The following DISP3 variants were observed in gnomAD, a reference collection of about 807,000 sequenced individuals.
DISP3 encodes dispatched RND transporter family member 3, also known as protein dispatched homolog 3.
DISP3 carries 101 observed loss-of-function variants against 135.3 expected under a neutral mutation model. The observed-to-expected ratio is 0.75, with a 90% confidence interval of 0.64 to 0.88. The LOEUF (loss-of-function observed/expected upper bound fraction) is 0.88, where lower values mean the gene tolerates loss of function less well. DISP3 is among the 40% of genes least tolerant of loss of function. The pLI is 0.00. For missense variants in DISP3, 1,713 were observed against 1,878.6 expected, an observed-to-expected ratio of 0.91 and a Z score of 1.63; for synonymous variants, 856 against 817.0, an observed-to-expected ratio of 1.05 and a Z score of -0.81.
At chr1:11,493,340 G>C (rs1641238640) in intron 1 of DISP3, among the ~76,000 whole-genome samples, 1 of 152,194 alleles carries the variant, frequency 6.6e-6, no homozygotes, top group Non-Finnish European at 1.5e-5. Context: ...TTTCCTCTTA[G>C]CCTTTTCATT....
At chr1:11,509,209 C>T (rs1246765855) in intron 3 of DISP3, among the ~76,000 whole-genome samples, 1 of 151,880 alleles carries the variant, frequency 6.6e-6, no homozygotes, top group Non-Finnish European at 1.5e-5. Context: ...GGGAATTTTT[C>T]AGGCTTTTTG....
chr1:11,497,323 C>A (rs557524550), intron 1 of DISP3, among the ~76,000 whole-genome samples: 2 of 152,288 alleles, frequency 1.3e-5, no homozygotes, highest in African/African-American at 2.4e-5. Flanking sequence ...GTATACACTG[C>A]ACCCTATTTG....
At position 11,536,663 on chromosome 1, in the gene DISP3, C is replaced by T. The variant is rs1252973088; in HGVS notation, c.4156C>T (p.Leu1386=). Residue 1386 remains leucine, a synonymous_variant, in exon 21 of 21, where the codon CTG becomes TTG. Coordinates refer to ENST00000294484, the MANE Select transcript of DISP3 (RefSeq NM_020780.2). This position sits in a 1 kb window ranked among gnomAD's most constrained non-coding sequence, Gnocchi z 4.3. The stretch of plus-strand genomic sequence containing the variant: ...CCTGCAGAGCGGCTATAAGATTCCC[C>T]TGCCCGCAGGGGCCTCCCTATAGCC... The part of the protein sequence containing the change: ...VLLQSGYKIP[L]PAGASL The T allele has an allele frequency of 6.3e-7, 1 of 1,582,830 alleles. No individual in the cohort carries two copies. Among genetic ancestry groups the T allele is most frequent in the Non-Finnish European group, 8.6e-7 (1 of 1,165,474 alleles).
intron 1 of DISP3, among the ~76,000 whole-genome samples, chr1:11,484,251 A>G (rs1345060917): frequency 1.3e-5 from 2 of 152,196 alleles, no homozygotes; most frequent in Non-Finnish European, 1.5e-5. Context: ...CTGAGGCTAG[A>G]GAGGTCAAGT....
intron 10 of DISP3, among the ~76,000 whole-genome samples, chr1:11,522,606 A>G (rs377402981): frequency 0.062 from 1,889 of 30,530 alleles, 17 homozygotes; most frequent in East Asian, 0.15. Flanking sequence ...ACCCAGCCAG[A>G]GCCCAGCCAG....
chr1:11,481,073 A>G (rs1640892853), intron 1 of DISP3, among the ~76,000 whole-genome samples: 1 of 146,862 alleles, frequency 6.8e-6, no homozygotes, highest in African/African-American at 2.7e-5. Flanking sequence ...TCACACACAT[A>G]CACACACACA....
chr1:11,526,762 G>A lies in DISP3; in HGVS notation c.2725G>A (p.Ala909Thr), dbSNP rs1210504438. ...PSRKWMLTTL[A>T]CDAKRGWKFD... ...CCGCAAGTGGATGCTGACGACCTTG[G>A]CCTGTGATGCCAAGCGGGGCTGGAA... Residue 909 changes from alanine (A) to threonine (T), a missense_variant, in exon 13 of 21, where the codon GCC (alanine) becomes ACC (threonine). Coordinates refer to ENST00000294484, the MANE Select transcript of DISP3 (RefSeq NM_020780.2). The A allele has an allele frequency of 2.2e-5, 36 of 1,613,678 alleles. No individual in the cohort carries two copies. The highest frequency in any genetic ancestry group is 3.1e-5 in the Non-Finnish European group (36 of 1,180,038).
In DISP3 at chr1:11,480,808, C is replaced by G. The variant is rs368141046; in HGVS notation, c.-4+1436C>G. ...ACCTGCCAGGGGACCAGGGGATCTT[C>G]TGGAGGGAGGGAGGAGGCTGTGGCT... is the stretch of plus-strand genomic sequence containing the variant. On this transcript the variant is annotated intron_variant, in intron 1 of 20. Transcript: ENST00000294484. Among the ~76,000 whole-genome samples the G allele has an allele frequency of 6.6e-5, 10 of 151,710 alleles. No homozygotes were observed. The South Asian group carries it at 1.3e-3, about 19-fold the overall frequency.
chr1:11,513,020 C>T (rs1049776417), intron 3 of DISP3, among the ~76,000 whole-genome samples: 21 of 152,108 alleles, frequency 1.4e-4, no homozygotes, highest in African/African-American at 5.1e-4. Context: ...ATTCAATTAC[C>T]TCCCCCTGGG....
intron 1 of DISP3, among the ~76,000 whole-genome samples, chr1:11,494,238 G>A (rs1458215509): frequency 6.6e-6 from 1 of 152,236 alleles, no homozygotes; most frequent in East Asian, 1.9e-4. Context: ...GCTGATGTGA[G>A]GATGACAGAG....
chr1:11,532,109 C>T (rs901576017), intron 17 of DISP3, among the ~76,000 whole-genome samples: 2 of 152,190 alleles, frequency 1.3e-5, no homozygotes, highest in African/African-American at 4.8e-5. Context: ...GCCAGGAGTC[C>T]GGCCATCCCC....
At chr1:11,507,061 G>T (rs1040889084) in intron 3 of DISP3, among the ~76,000 whole-genome samples, 1 of 152,112 alleles carries the variant, frequency 6.6e-6, no homozygotes, top group South Asian at 2.1e-4. Flanking sequence ...TCCCACCTTG[G>T]CCTCTCAAAG....
chr1:11,525,018 C>T (rs539558099), intron 11 of DISP3, among the ~76,000 whole-genome samples, 158 bp from the exon 12 acceptor site: 21 of 151,692 alleles, frequency 1.4e-4, no homozygotes, highest in African/African-American at 2.7e-4. Context: ...TTGCCATGGA[C>T]CTGGTCCAGT....
chr1:11,534,272 AAC>A, intron 17 of DISP3, 107 bp from the exon 18 acceptor site: 1 of 1,358,298 alleles, frequency 7.4e-7, no homozygotes, highest in East Asian at 2.3e-5. Flanking sequence ...CACCCTCCCC[AAC>A]ACACGCACCA....
intron 1 of DISP3, among the ~76,000 whole-genome samples, chr1:11,482,930 G>A (rs1256842127): frequency 6.6e-6 from 1 of 152,162 alleles, no homozygotes; most frequent in African/African-American, 2.4e-5. Flanking sequence ...CCAAAGCATC[G>A]AAGCCCAGGG....
intron 13 of DISP3, among the ~76,000 whole-genome samples, chr1:11,528,639 TGCTC>T (rs765851498): frequency 6.5e-4 from 99 of 152,298 alleles, no homozygotes; most frequent in Non-Finnish European, 1.2e-3. Context: ...TACAAGGCCA[TGCTC>T]GGTGACACAC....
At position 11,523,989 on chromosome 1, in the gene DISP3, TCCCTGGAGA is replaced by T; in HGVS notation, c.2411_2419del (p.Ser804_Lys807delinsTer). On this transcript the variant is annotated stop_gained and inframe_deletion, in exon 11 of 21. Coordinates refer to ENST00000294484, the MANE Select transcript of DISP3 (RefSeq NM_020780.2). LOFTEE classifies it high-confidence loss of function. The stretch of plus-strand genomic sequence containing the variant: ...CAGCCTGCAGAACAACATCCGGACG[TCCCTGGAGA>T]AGAAGAGGCGAGGCTCAGGGGTCCC... 1 of 1,613,200 alleles carries T rather than the reference TCCCTGGAGA, an allele frequency of 6.2e-7. No homozygotes were observed. Among genetic ancestry groups the T allele is most frequent in the Non-Finnish European group, 8.5e-7 (1 of 1,179,628 alleles).
At chr1:11,517,722 G>A in intron 7 of DISP3, 120 bp downstream of exon 7, 3 of 1,307,418 alleles carry the variant, frequency 2.3e-6, no homozygotes, top group Non-Finnish European at 3.1e-6. Context: ...GCTAGGCAGG[G>A]AACAGGGAAG....
rs1160169292 is a variant in DISP3 at position 11,526,902 on chromosome 1, TTC to T, written c.2798+75_2798+76del. ...CTGCTTCTTTGCCCTTTTCTCTCTT[TTC>T]TCTCTCTTTTCACATGAGGGATGCC... On this transcript the variant is annotated intron_variant, in intron 13 of 20. Coordinates refer to ENST00000294484, the MANE Select transcript of DISP3 (RefSeq NM_020780.2). The T allele has an allele frequency of 1.3e-5, 20 of 1,513,782 alleles. 1 individual carries two copies. The highest frequency in any genetic ancestry group is 8.0e-5 in the Admixed American group (4 of 50,006). The allele number at this position is 1,513,782 out of a possible 1,614,324, so 93.8% of individuals were successfully genotyped here. A position where few individuals can be genotyped will look rare whatever the true frequency, so the allele number is the denominator to read the frequency against.
Sources: gnomAD v4.1 joint callset for allele counts (sites outside exome capture counted in the v4.1 genomes callset) on GRCh38, gnomAD v4.1.1 for gene constraint, Gnocchi (gnomAD v3.1) non-coding constraint, MANE v1.5 for transcripts, NCBI Gene and HGNC (gene_info 2026-07-23, HGNC 2026-07-21) for gene names.